CSNK1G1: variants seen among roughly 807,000 people sequenced by gnomAD.
The protein encoded by CSNK1G1 is casein kinase 1 gamma 1.
In CSNK1G1, 22 loss-of-function variants were observed where a neutral mutation model predicts 59.6. The observed-to-expected ratio is 0.37, with a 90% CI of 0.26 to 0.53. The LOEUF (loss-of-function observed/expected upper bound fraction) is 0.53, where lower values mean the gene tolerates loss of function less well. Ranked by LOEUF, CSNK1G1 falls within the 20% of genes least tolerant of loss-of-function variation. The probability of loss-of-function intolerance (pLI) is 0.89; values close to 1 mark genes in which losing one functional copy is unlikely to be tolerated. For missense variants in CSNK1G1, 384 were observed against 519.5 expected (o/e 0.74, Z 2.54); for synonymous variants, 179 against 177.1 (o/e 1.01, Z -0.08).
chr15:64,315,054 C>G (rs1479116371), intron 1 of CSNK1G1, among the ~76,000 whole-genome samples: 1 of 152,190 alleles, frequency 6.6e-6, no homozygotes, highest in Non-Finnish European at 1.5e-5. Flanking sequence ...AACCTCCATA[C>G]AGTTTTCCAT....
Position 64,265,786 on chromosome 15 carries a change from T to C in CSNK1G1, c.182-6545A>G. Reference sequence around the variant, plus strand: ...CACACCAAAAATGAAATATATCCATTGGAAGAAAATTGGCCAGTCACAGTG... The same window carrying C: ...CACACCAAAAATGAAATATATCCATCGGAAGAAAATTGGCCAGTCACAGTG... On this transcript the variant is annotated intron_variant, in intron 2 of 11. Transcript: ENST00000303052. 4.4e-6 allele frequency: 2 copies of C among 456,268 alleles called. 1 individual carries two copies. The highest frequency in any genetic ancestry group is 3.1e-5 in the South Asian group (2 of 64,554). 28.3% of individuals were successfully genotyped at this position (456,268 alleles called of 1,614,324 possible).
At chr15:64,211,963 ATTAT>A (rs1188884025) in intron 6 of CSNK1G1, among the ~76,000 whole-genome samples, 1 of 152,260 alleles carries the variant, frequency 6.6e-6, no homozygotes, top group Non-Finnish European at 1.5e-5. Context: ...TCTTAAGTTT[ATTAT>A]TTAAGATACA....
intron 1 of CSNK1G1, among the ~76,000 whole-genome samples, chr15:64,353,317 A>T (rs1273275716): frequency 6.6e-6 from 1 of 152,182 alleles, no homozygotes; most frequent in African/African-American, 2.4e-5. Flanking sequence ...TAGGTGACAC[A>T]TAACTATATT....
intron 10 of CSNK1G1, among the ~76,000 whole-genome samples, chr15:64,192,840 TAAAAAAAAA>T (rs66643774): frequency 3.4e-4 from 11 of 32,228 alleles, no homozygotes; most frequent in African/African-American, 1.2e-3. Context: ...GAGATCTGCC[TAAAAAAAAA>T]AAAAAAAAAA....
intron 2 of CSNK1G1, among the ~76,000 whole-genome samples, chr15:64,291,853 T>C (rs1460974249): frequency 5.3e-5 from 8 of 152,068 alleles, no homozygotes; most frequent in Non-Finnish European, 1.2e-4. Flanking sequence ...CATCTGTAAA[T>C]TGTTAATAAT....
At chr15:64,230,168 T>A (rs865974062) in intron 4 of CSNK1G1, among the ~76,000 whole-genome samples, 1 of 151,984 alleles carries the variant, frequency 6.6e-6, no homozygotes, top group South Asian at 2.1e-4. Flanking sequence ...CCCAAAGTGC[T>A]TGGATTATAG....
intron 2 of CSNK1G1, among the ~76,000 whole-genome samples, chr15:64,273,205 T>C (rs2140352788): frequency 6.6e-6 from 1 of 152,328 alleles, no homozygotes; most frequent in East Asian, 1.9e-4. Flanking sequence ...ATGAACATGC[T>C]AACTACCCTT....
intron 1 of CSNK1G1, among the ~76,000 whole-genome samples, chr15:64,308,452 A>C (rs1895808946): frequency 6.7e-6 from 1 of 148,414 alleles, no homozygotes; most frequent in Non-Finnish European, 1.5e-5. Context: ...AAGGGAGCCA[A>C]AGCAAAATAC....
intron 1 of CSNK1G1, among the ~76,000 whole-genome samples, chr15:64,351,387 T>C (rs1056173425): frequency 1.3e-5 from 2 of 152,208 alleles, no homozygotes; most frequent in African/African-American, 4.8e-5. Flanking sequence ...GAGATAGATA[T>C]TAAACAAAGG....
intron 1 of CSNK1G1, among the ~76,000 whole-genome samples, chr15:64,346,808 G>A (rs1027220853): frequency 1.3e-5 from 2 of 152,074 alleles, no homozygotes; most frequent in Non-Finnish European, 2.9e-5. Context: ...TGAAAGAGAA[G>A]AGGTTAACTT....
At chr15:64,195,054 G>A (rs1391040781) in intron 10 of CSNK1G1, 1 of 152,176 alleles carries the variant, frequency 6.6e-6, no homozygotes, top group Non-Finnish European at 1.5e-5. Context: ...TAGTCAAATT[G>A]GAGAATTTGC....
chr15:64,278,363 T>C (rs1271352185), intron 2 of CSNK1G1, among the ~76,000 whole-genome samples: 1 of 150,206 alleles, frequency 6.7e-6, no homozygotes, highest in Non-Finnish European at 1.5e-5. Flanking sequence ...TAAAAGTATA[T>C]ATGCATGTAT....
intron 4 of CSNK1G1, among the ~76,000 whole-genome samples, chr15:64,230,342 G>C (rs2082529759): frequency 6.6e-6 from 1 of 151,750 alleles, no homozygotes; most frequent in South Asian, 2.1e-4. Context: ...TATCACCCAG[G>C]CTATAGTGCA....
chr15:64,208,302 A>C (rs998423435), intron 6 of CSNK1G1, among the ~76,000 whole-genome samples: 1 of 152,200 alleles, frequency 6.6e-6, no homozygotes, highest in Non-Finnish European at 1.5e-5. Flanking sequence ...GTTCGAGATA[A>C]GCCTGGGCAA....
chr15:64,354,484 T>C (rs1898525381), intron 1 of CSNK1G1, among the ~76,000 whole-genome samples: 1 of 152,268 alleles, frequency 6.6e-6, no homozygotes, highest in African/African-American at 2.4e-5. Flanking sequence ...AAATATATTT[T>C]GCTCATTTCA....
In CSNK1G1 at chr15:64,214,665, T is replaced by C. The variant is rs1253609639; in HGVS notation, c.445-541A>G. Among the ~76,000 whole-genome samples the C allele has an allele frequency of 1.3e-5, 2 of 152,108 alleles. No homozygotes were observed. The highest frequency in any genetic ancestry group is 4.8e-5 in the African/African-American group (2 of 41,432). The stretch of plus-strand genomic sequence containing the variant: ...CAGAGACAGGGAAACAGTTCATTAT[T>C]ATTATTATTATTTTTGAGACGGAGT... On this transcript the variant is annotated intron_variant, in intron 5 of 11. Coordinates refer to ENST00000303052, the MANE Select transcript of CSNK1G1 (RefSeq NM_022048.5). This position sits in a 1 kb window ranked among gnomAD's most constrained non-coding sequence, Gnocchi z 4.3.
chr15:64,274,324 C>T (rs1371360145), intron 2 of CSNK1G1, among the ~76,000 whole-genome samples: 1 of 152,154 alleles, frequency 6.6e-6, no homozygotes, highest in East Asian at 1.9e-4. Context: ...AAATAATACA[C>T]AGTACTCAAA....
In CSNK1G1 at chr15:64,353,374, C is replaced by T. The variant is rs558333434; in HGVS notation, c.-225+2614G>A. 9.9e-5 allele frequency among the ~76,000 whole-genome samples: 15 copies of T among 151,796 alleles called. No individual in the cohort carries two copies. The South Asian group carries it at 1.5e-3, about 15-fold the overall frequency. On this transcript the variant is annotated intron_variant, in intron 1 of 11. Transcript: ENST00000303052. ...TGAGTATAAAGACTTTGGCCGGGTA[C>T]GGTGGCTCATGCCTGTAATCCCAGC...
At position 64,167,203 on chromosome 15, in the gene CSNK1G1, T is replaced by C. The variant is rs2081612222; in HGVS notation, c.*4728A>G. 6.6e-6 allele frequency: 1 copy of C among 152,192 alleles called. No homozygotes were observed. Among genetic ancestry groups the C allele is most frequent in the Non-Finnish European group, 1.5e-5 (1 of 68,030 alleles). 9.4% of individuals were successfully genotyped at this position (152,192 alleles called of 1,614,324 possible). A position where few individuals can be genotyped will look rare whatever the true frequency, so the allele number is the denominator to read the frequency against. On this transcript the variant is annotated 3_prime_UTR_variant, in exon 12 of 12. Transcript: ENST00000303052. ...AGACTGCTTGCTGGACAAAAGACTT[T>C]CAAGATTCCTTACTTGTGGCTAAAA...
Sources: allele counts gnomAD v4.1 joint callset (sites outside exome capture counted in the v4.1 genomes callset), GRCh38; gene constraint gnomAD v4.1.1; non-coding constraint Gnocchi (gnomAD v3.1); transcripts MANE v1.5; gene names NCBI Gene and HGNC (gene_info 2026-07-23, HGNC 2026-07-21).